KYAT1: variants seen among roughly 807,000 people sequenced by gnomAD.
The protein encoded by KYAT1 is kynurenine aminotransferase 1.
Under a neutral mutation model 52.4 loss-of-function variants are expected in KYAT1, and 47 were observed. The ratio of observed to expected loss-of-function variants is 0.90; its 90% CI spans 0.71 to 1.14. The LOEUF (loss-of-function observed/expected upper bound fraction) is 1.14, where lower values mean the gene tolerates loss of function less well. Among genes scored for constraint, KYAT1 ranks in the 50% most tolerant of loss-of-function variants. The pLI is 0.00. For synonymous variants in KYAT1, 212 were observed against 209.6 expected, an observed-to-expected ratio of 1.01 and a Z score of -0.10; for missense variants, 480 against 557.9, an observed-to-expected ratio of 0.86 and a Z score of 1.41.
intron 1 of KYAT1, among the ~76,000 whole-genome samples, chr9:128,868,385 T>C (rs781020233): frequency 1.3e-5 from 2 of 151,874 alleles, no homozygotes; most frequent in African/African-American, 4.8e-5. Context: ...CACTGATTTT[T>C]TTTTCCTTTT....
intron 1 of KYAT1, among the ~76,000 whole-genome samples, chr9:128,868,546 C>CA (rs1836744527): frequency 6.6e-6 from 1 of 151,106 alleles, no homozygotes; most frequent in South Asian, 2.1e-4. Flanking sequence ...TCTTTTTTTC[C>CA]TTTTTTTTGA....
chr9:128,853,875 A>C (rs1208030222), intron 1 of KYAT1, among the ~76,000 whole-genome samples: 1 of 152,266 alleles, frequency 6.6e-6, no homozygotes, highest in Non-Finnish European at 1.5e-5. Context: ...TTTATGTCCC[A>C]ATGCATTATG....
At chr9:128,855,070 C>A (rs1834431906) in intron 1 of KYAT1, among the ~76,000 whole-genome samples, 1 of 152,100 alleles carries the variant, frequency 6.6e-6, no homozygotes, top group African/African-American at 2.4e-5. Context: ...GGGGACCTTG[C>A]CTCAAGGAAA....
In KYAT1 at chr9:128,870,857, A is replaced by C. The variant is rs148585135; in HGVS notation, c.-7+11040T>G. Reference sequence around the variant, plus strand: ...TAAAGTTTTGAAACTACAGTGACATAATGTTTGTACAACATTGTGAATGCA... The same window carrying C: ...TAAAGTTTTGAAACTACAGTGACATCATGTTTGTACAACATTGTGAATGCA... On this transcript the variant is annotated intron_variant, in intron 1 of 12. Transcript: ENST00000302586. 4.1e-3 allele frequency among the ~76,000 whole-genome samples: 629 copies of C among 152,180 alleles called. 13 individuals carry two copies. Among genetic ancestry groups the C allele is most frequent in the East Asian group, 0.041 (213 of 5,180 alleles).
chr9:128,879,039 GGTGGCTCAC>G (rs1415838497), intron 1 of KYAT1, among the ~76,000 whole-genome samples: 6 of 152,198 alleles, frequency 3.9e-5, no homozygotes, highest in Non-Finnish European at 8.8e-5. Context: ...GGCCGGGCGC[GGTGGCTCAC>G]GCCTGTAATC....
chr9:128,875,495 C>T (rs942708471), intron 1 of KYAT1, among the ~76,000 whole-genome samples: 1 of 151,914 alleles, frequency 6.6e-6, no homozygotes. Flanking sequence ...CACCTGTAGT[C>T]CCAGCTACTC....
chr9:128,848,605 G>A (rs1001795526), intron 1 of KYAT1, among the ~76,000 whole-genome samples: 1 of 151,432 alleles, frequency 6.6e-6, no homozygotes, highest in Non-Finnish European at 1.5e-5. Context: ...ATCACTTCAG[G>A]TCAGAAGTTT....
At position 128,833,244 on chromosome 9, in the gene KYAT1, C is replaced by A. The variant is rs1037768599; in HGVS notation, c.*340G>T. 6 of 417,544 alleles carry A rather than the reference C, an allele frequency of 1.4e-5. No individual in the cohort carries two copies. Among genetic ancestry groups the A allele is most frequent in the Non-Finnish European group, 2.6e-5 (6 of 228,714 alleles). 25.9% of individuals were successfully genotyped at this position (417,544 alleles called of 1,614,324 possible). A position where few individuals can be genotyped will look rare whatever the true frequency, so the allele number is the denominator to read the frequency against. Reference sequence around the variant, plus strand: ...GGTTATACCTGAGCCTTAGCAGGGGCCATGCAGAGCTGGGATGTGATCGGT... The same window carrying A: ...GGTTATACCTGAGCCTTAGCAGGGGACATGCAGAGCTGGGATGTGATCGGT... On this transcript the variant is annotated 3_prime_UTR_variant, in exon 13 of 13. Transcript: ENST00000302586.
intron 1 of KYAT1, among the ~76,000 whole-genome samples, chr9:128,869,561 T>C (rs1336183899): frequency 6.6e-6 from 1 of 152,168 alleles, no homozygotes; most frequent in Non-Finnish European, 1.5e-5. Context: ...TTTCACCTCG[T>C]TCCATCTACA....
At chr9:128,874,803 C>T (rs545586080) in intron 1 of KYAT1, among the ~76,000 whole-genome samples, 4 of 151,156 alleles carry the variant, frequency 2.6e-5, no homozygotes, top group Non-Finnish European at 4.4e-5. Flanking sequence ...CGGCTCACTC[C>T]AATCTCTGCC....
Position 128,842,665 on chromosome 9 carries a change from T to C in KYAT1, c.190A>G (p.Thr64Ala). ...VSGDFMLNQY[T>A]KTFGYPPLTK... Reference sequence around the variant, plus strand: ...ATGGGGAGACTCACAAATGTCTTGGTGTACTGGTTAAGCATGAAGTCTCCA... The same window carrying C: ...ATGGGGAGACTCACAAATGTCTTGGCGTACTGGTTAAGCATGAAGTCTCCA... Residue 64 changes from threonine to alanine, a missense_variant, in exon 3 of 13, where the codon ACC becomes GCC. Coordinates refer to ENST00000302586, the MANE Select transcript of KYAT1 (RefSeq NM_004059.5). 2 of 1,613,946 alleles carry C rather than the reference T, an allele frequency of 1.2e-6. No individual in the cohort carries two copies. Among genetic ancestry groups the C allele is most frequent in the African/African-American group, 1.3e-5 (1 of 75,064 alleles).
intron 1 of KYAT1, among the ~76,000 whole-genome samples, chr9:128,869,351 C>T (rs369377920): frequency 2.0e-5 from 3 of 151,712 alleles, no homozygotes; most frequent in South Asian, 2.1e-4. Context: ...TTAGTAGAGA[C>T]GGGGTTTCAC....
chr9:128,842,469 C>G (rs1188668684), intron 3 of KYAT1, among the ~76,000 whole-genome samples, 185 bp downstream of exon 3: 1 of 152,212 alleles, frequency 6.6e-6, no homozygotes, highest in Non-Finnish European at 1.5e-5. Context: ...TTCTTGTCTG[C>G]CATCCCCACT....
chr9:128,875,803 G>C (rs1837932759), intron 1 of KYAT1, among the ~76,000 whole-genome samples: 1 of 152,168 alleles, frequency 6.6e-6, no homozygotes, highest in South Asian at 2.1e-4. Context: ...CAGGGGCCGA[G>C]GGCCAGTGGC....
intron 1 of KYAT1, among the ~76,000 whole-genome samples, chr9:128,868,886 A>T (rs1316280742): frequency 6.6e-6 from 1 of 151,574 alleles, no homozygotes; most frequent in East Asian, 2.0e-4. Flanking sequence ...TTGTATTTTT[A>T]GTAGAGACGG....
At position 128,854,604 on chromosome 9, in the gene KYAT1, C is replaced by T. The variant is rs149257624; in HGVS notation, c.-6-9193G>A. 5.9e-3 allele frequency among the ~76,000 whole-genome samples: 899 copies of T among 152,320 alleles called. 10 individuals are homozygous for T. The highest frequency in any genetic ancestry group is 0.02 in the African/African-American group (822 of 41,564). ...CTAAAGTACACAAGGGTAACACAAA[C>T]TCCAGAGAATATGCTGCTTGCAGCT... On this transcript the variant is annotated intron_variant, in intron 1 of 12. Coordinates refer to ENST00000302586, the MANE Select transcript of KYAT1 (RefSeq NM_004059.5).
intron 1 of KYAT1, 119 bp from the exon 2 acceptor site, chr9:128,845,530 G>A (rs1003806958): frequency 2.7e-5 from 25 of 919,720 alleles, no homozygotes; most frequent in Middle Eastern, 5.1e-4. Context: ...GCTCCCAGGA[G>A]GGGGAAGAGA....
Position 128,858,456 on chromosome 9 carries a change from G to C in KYAT1, c.-6-13045C>G, listed in dbSNP as rs548151150. On this transcript the variant is annotated intron_variant, in intron 1 of 12. Coordinates refer to ENST00000302586, the MANE Select transcript of KYAT1 (RefSeq NM_004059.5). ...CTCATACCTGTAATCACAGCACTTT[G>C]GGAGGCCAAGGCGGGCAGATCACCT... Among the ~76,000 whole-genome samples the C allele has an allele frequency of 5.1e-5, 7 of 137,414 alleles. No individual in the cohort carries two copies. In the South Asian group the frequency reaches 7.0e-4, roughly 14 times the overall value. The allele number at this position is 137,414 out of a possible 152,430, so 90.1% of individuals were successfully genotyped here. A position where few individuals can be genotyped will look rare whatever the true frequency, so the allele number is the denominator to read the frequency against.
intron 2 of KYAT1, among the ~76,000 whole-genome samples, chr9:128,844,406 C>T (rs1001841868): frequency 3.3e-5 from 5 of 151,786 alleles, no homozygotes; most frequent in African/African-American, 1.2e-4. Context: ...TAGGGCCAGG[C>T]ACAGTGGCTC....
Sources: gnomAD v4.1 joint callset for allele counts (sites outside exome capture counted in the v4.1 genomes callset) on GRCh38, gnomAD v4.1.1 for gene constraint, MANE v1.5 for transcripts, NCBI Gene and HGNC (gene_info 2026-07-23, HGNC 2026-07-21) for gene names.